Variants in MANSC1 observed in about 807,000 individuals in gnomAD.
MANSC1 encodes MANSC domain containing 1, also known as MANSC domain-containing protein 1.
A neutral mutation model predicts 14.1 loss-of-function variants in MANSC1; 13 were observed. The ratio of observed to expected loss-of-function variants is 0.92; its 90% confidence interval spans 0.60 to 1.46. MANSC1 has a LOEUF of 1.46. MANSC1 is among the 40% of genes most tolerant of loss of function. The probability of loss-of-function intolerance (pLI) is 0.00; values close to 1 mark genes in which losing one functional copy is unlikely to be tolerated. For synonymous variants in MANSC1, 227 were observed against 200.7 expected, an observed-to-expected ratio of 1.13 and a Z score of -1.11; for missense variants, 486 against 511.4, an observed-to-expected ratio of 0.95 and a Z score of 0.48.
chr12:12,347,197 T>A (rs1304111782), intron 1 of MANSC1, among the ~76,000 whole-genome samples: 1 of 152,152 alleles, frequency 6.6e-6, no homozygotes, highest in Non-Finnish European at 1.5e-5. Flanking sequence ...TAATGTAGAA[T>A]CAGTGGGAGC....
intron 2 of MANSC1, among the ~76,000 whole-genome samples, chr12:12,342,239 G>A (rs542002667): frequency 1.3e-5 from 2 of 152,120 alleles, no homozygotes; most frequent in African/African-American, 4.8e-5. Flanking sequence ...CACCACACCC[G>A]GCCATTCACT....
intron 3 of MANSC1, among the ~76,000 whole-genome samples, chr12:12,333,110 A>G (rs1055263809): frequency 9.9e-5 from 15 of 152,060 alleles, no homozygotes; most frequent in Middle Eastern, 3.4e-3. Context: ...GCAGTGGCAC[A>G]AACACAGCTC....
intron 3 of MANSC1, among the ~76,000 whole-genome samples, chr12:12,333,591 C>T (rs1862820505): frequency 6.6e-6 from 1 of 152,216 alleles, no homozygotes; most frequent in Admixed American, 6.5e-5. Flanking sequence ...ATTCGCCTCA[C>T]CCACTCATGT....
chr12:12,338,565 A>C lies in MANSC1; in HGVS notation c.224-5T>G. The C allele has an allele frequency of 1.2e-6, 2 of 1,609,260 alleles. No individual in the cohort carries two copies. The highest frequency in any genetic ancestry group is 1.7e-6 in the Non-Finnish European group (2 of 1,178,884). On this transcript the variant is annotated splice_polypyrimidine_tract_variant and splice_region_variant and intron_variant, in intron 2 of 3. Transcript: ENST00000535902. ...TCAAGTTACATGCTTTGTCCCCTGCAATGAAAGGTTTCATAAGCATGATTT... is the reference window on the plus strand; with the variant it reads ...TCAAGTTACATGCTTTGTCCCCTGCCATGAAAGGTTTCATAAGCATGATTT...
rs555694648 is a variant in MANSC1, at chr12:12,331,483, C to T, written c.365-525G>A. On this transcript the variant is annotated intron_variant, in intron 3 of 3. Coordinates refer to ENST00000535902, the MANE Select transcript of MANSC1 (RefSeq NM_018050.4). ...GCCAAGGCCAGGGAAAAAAGTGGGC[C>T]GGAGGGTGACCTGAGCAGGAAAGGT... Among the ~76,000 whole-genome samples the T allele has an allele frequency of 1.1e-4, 17 of 152,166 alleles. No homozygotes were observed. The East Asian group carries it at 1.9e-3, about 17-fold the overall frequency.
Position 12,343,179 on chromosome 12 carries a change from A to C in MANSC1, c.136T>G (p.Ser46Ala), listed in dbSNP as rs754822451. The C allele has an allele frequency of 1.9e-6, 3 of 1,613,968 alleles. No homozygotes were observed. The highest frequency in any genetic ancestry group is 4.5e-5 in the East Asian group (2 of 44,880). ...GGCTCATTGCCTCTGATTCCCTTAG[A>C]AAGAGATGACTGGATGTCAATGACA... ...DVVIDIQSSL[S>A]KGIRGNEPVY... The change falls in exon 2 of 4, where the codon TCT becomes GCT. Residue 46 changes from serine (S) to alanine (A), a missense_variant. Ser to Ala is a moderately conservative substitution (Grantham distance 99, BLOSUM62 1). Transcript: ENST00000535902.
intron 3 of MANSC1, among the ~76,000 whole-genome samples, chr12:12,336,657 G>T (rs566147270): frequency 6.6e-5 from 10 of 151,994 alleles, no homozygotes; most frequent in Non-Finnish European, 1.5e-4. Flanking sequence ...CTCCCAAGTA[G>T]CTGGGACTAC....
At chr12:12,346,270 CA>C (rs146329722) in intron 1 of MANSC1, among the ~76,000 whole-genome samples, 79 of 143,372 alleles carry the variant, frequency 5.5e-4, no homozygotes, top group East Asian at 4.7e-3. Flanking sequence ...GACTCCGTCT[CA>C]AAAAAAAAAA....
intron 3 of MANSC1, among the ~76,000 whole-genome samples, chr12:12,337,147 G>A (rs1359096705): frequency 6.6e-6 from 1 of 151,834 alleles, no homozygotes; most frequent in African/African-American, 2.4e-5. Context: ...CATGGTAGTG[G>A]GTGCCTGTAA....
At chr12:12,338,694 G>T in intron 2 of MANSC1, 134 bp from the exon 3 acceptor site, 1 of 786,742 alleles carries the variant, frequency 1.3e-6, no homozygotes, top group Non-Finnish European at 2.0e-6. Context: ...CTTGCTGACC[G>T]CTGAATCATT....
At position 12,329,998 on chromosome 12, in the gene MANSC1, A is replaced by G; in HGVS notation, c.*29T>C. The stretch of plus-strand genomic sequence containing the variant: ...ATTGCATTTGGGCTTCTGGTTACTA[A>G]ATGAATTAAGAGACACCGAGTTCCA... On this transcript the variant is annotated 3_prime_UTR_variant, in exon 4 of 4. Coordinates refer to ENST00000535902, the MANE Select transcript of MANSC1 (RefSeq NM_018050.4). The G allele has an allele frequency of 6.3e-7, 1 of 1,578,956 alleles. No individual in the cohort carries two copies. The highest frequency in any genetic ancestry group is 8.6e-7 in the Non-Finnish European group (1 of 1,158,016).
At chr12:12,343,614 C>A (rs1471595194) in intron 1 of MANSC1, among the ~76,000 whole-genome samples, 200 bp from the exon 2 acceptor site, 1 of 152,138 alleles carries the variant, frequency 6.6e-6, no homozygotes, top group East Asian at 1.9e-4. Context: ...TAAGCATAAA[C>A]AAACATACTA....
intron 2 of MANSC1, among the ~76,000 whole-genome samples, chr12:12,339,824 C>CT (rs1862911302): frequency 6.6e-6 from 1 of 151,228 alleles, no homozygotes; most frequent in Non-Finnish European, 1.5e-5. Context: ...CTTTTCTTTT[C>CT]TTTTTTGAGT....
intron 1 of MANSC1, among the ~76,000 whole-genome samples, chr12:12,343,881 G>A (rs1862970430): frequency 6.6e-6 from 1 of 152,116 alleles, no homozygotes; most frequent in Admixed American, 6.5e-5. Flanking sequence ...GAAGGCTGAG[G>A]TGGGTGGATT....
intron 2 of MANSC1, chr12:12,339,287 G>T (rs138247356): frequency 6.6e-6 from 1 of 152,190 alleles, no homozygotes; most frequent in African/African-American, 2.4e-5. Context: ...TTGAGATAAT[G>T]TCTTGCTCTG....
chr12:12,346,468 G>A (rs927958818), intron 1 of MANSC1, among the ~76,000 whole-genome samples: 5 of 152,102 alleles, frequency 3.3e-5, no homozygotes, highest in African/African-American at 9.7e-5. Flanking sequence ...AACACTTACC[G>A]TAAAGCTACA....
rs777179021 is a variant in MANSC1 at position 12,330,239 on chromosome 12, C to T, written c.1084G>A (p.Ala362Thr). 1.2e-6 allele frequency: 2 copies of T among 1,614,146 alleles called. No individual in the cohort carries two copies. Among genetic ancestry groups the T allele is most frequent in the South Asian group, 1.1e-5 (1 of 91,084 alleles). The change falls in exon 4 of 4, where the codon GCC becomes ACC. Residue 362 changes from alanine to threonine, a missense_variant. Physicochemically the swap from Ala to Thr is moderately conservative, Grantham distance 58 (BLOSUM62 0). Coordinates refer to ENST00000535902, the MANE Select transcript of MANSC1 (RefSeq NM_018050.4). ...NKTASWEGRE[A>T]SPGSSSQGSV... ...CCCTGGGAGGAACTGCCTGGACTGG[C>T]CTCCCTACCTTCCCAGGAAGCAGTT...
At position 12,338,614 on chromosome 12, in the gene MANSC1, A is replaced by G. The variant is rs751196132; in HGVS notation, c.224-54T>C. The G allele has an allele frequency of 1.9e-6, 3 of 1,565,696 alleles. No homozygotes were observed. In the East Asian group the frequency reaches 6.8e-5, roughly 35 times the overall value. ...TTTGAAATGCGATTTTCTAAAGAGT[A>G]GGGCAAGTAGGAAAAACTTCACTTA... On this transcript the variant is annotated intron_variant, in intron 2 of 3. Coordinates refer to ENST00000535902, the MANE Select transcript of MANSC1 (RefSeq NM_018050.4).
At position 12,340,350 on chromosome 12, in the gene MANSC1, C is replaced by T. The variant is rs977358238; in HGVS notation, c.224-1790G>A. On this transcript the variant is annotated intron_variant, in intron 2 of 3. Coordinates refer to ENST00000535902, the MANE Select transcript of MANSC1 (RefSeq NM_018050.4). ...ATGGTGAGAGATCAACTCCAACTCC[C>T]GAGATGGGAAGGAAGATTTAGTTAG... is the stretch of plus-strand genomic sequence containing the variant. Among the ~76,000 whole-genome samples the T allele has an allele frequency of 3.9e-5, 6 of 152,198 alleles. 1 individual carries two copies. The highest frequency in any genetic ancestry group is 8.8e-5 in the Non-Finnish European group (6 of 68,028).
Sources: allele counts gnomAD v4.1 joint callset (sites outside exome capture counted in the v4.1 genomes callset), GRCh38; gene constraint gnomAD v4.1.1; transcripts MANE v1.5; gene names NCBI Gene and HGNC (gene_info 2026-07-23, HGNC 2026-07-21).